Variants in PPP1R12B observed in about 807,000 individuals in gnomAD.
The protein encoded by PPP1R12B is myosin phosphatase target subunit 2.
Under a neutral mutation model 126.1 loss-of-function variants are expected in PPP1R12B, and 76 were observed. The observed-to-expected ratio is 0.60, with a 90% CI of 0.50 to 0.73. The LOEUF is 0.73. Among genes scored for constraint, PPP1R12B ranks in the 30% least tolerant of loss-of-function variants. The pLI is 0.00. For missense variants in PPP1R12B, 1,052 were observed against 1,205.1 expected (o/e 0.87, Z 1.88); for synonymous variants, 356 against 434.7 (o/e 0.82, Z 2.25).
At chr1:202,377,832 GTTTTT>G (rs74860606) in intron 1 of PPP1R12B, among the ~76,000 whole-genome samples, 5 of 97,306 alleles carry the variant, frequency 5.1e-5, no homozygotes, top group African/African-American at 2.5e-4. Context: ...AAAGACAGGT[GTTTTT>G]TTTTTTTTTT....
chr1:202,496,752 T>G lies in PPP1R12B; in HGVS notation c.2449-29T>G, dbSNP rs1381128953. The G allele has an allele frequency of 1.9e-6, 3 of 1,597,436 alleles. No homozygotes were observed. In the African/African-American group the frequency reaches 4.0e-5, roughly 21 times the overall value. Reference sequence around the variant, plus strand: ...TCAAGGATGTCTGTGACAATGAGCCTCTTGATTTTCTTCCCTTTTCTTTTT... The same window carrying G: ...TCAAGGATGTCTGTGACAATGAGCCGCTTGATTTTCTTCCCTTTTCTTTTT... On this transcript the variant is annotated intron_variant, in intron 17 of 23. Transcript: ENST00000608999.
chr1:202,521,365 C>T (rs191063812), intron 18 of PPP1R12B, among the ~76,000 whole-genome samples: 257 of 152,180 alleles, frequency 1.7e-3, no homozygotes, highest in Non-Finnish European at 2.3e-3. Context: ...AAAAAGCAGT[C>T]AAGAGAACCC....
chr1:202,414,042 C>G (rs1235134703), intron 1 of PPP1R12B, among the ~76,000 whole-genome samples: 4 of 152,174 alleles, frequency 2.6e-5, no homozygotes, highest in Admixed American at 2.6e-4. Context: ...GTTCCTCAGC[C>G]TCCTGAGTAC....
At chr1:202,454,464 C>T (rs1673369741) in intron 13 of PPP1R12B, among the ~76,000 whole-genome samples, 1 of 152,136 alleles carries the variant, frequency 6.6e-6, no homozygotes, top group Non-Finnish European at 1.5e-5. Context: ...GTACCTGTTG[C>T]CAGGTGCTAT....
intron 1 of PPP1R12B, among the ~76,000 whole-genome samples, chr1:202,393,407 T>G (rs184630823): frequency 3.9e-5 from 6 of 152,172 alleles, no homozygotes. Flanking sequence ...TTTTTTTCAG[T>G]TCTTTAACAG....
intron 18 of PPP1R12B, among the ~76,000 whole-genome samples, chr1:202,522,022 A>G (rs1350172289): frequency 6.6e-6 from 1 of 152,232 alleles, no homozygotes; most frequent in Non-Finnish European, 1.5e-5. Flanking sequence ...TGGCAACAGT[A>G]GATACCAGAA....
chr1:202,414,471 T>A lies in PPP1R12B; in HGVS notation c.292-2316T>A, dbSNP rs1286630994. ...GAGATCTTACAAATCTAAATACATT[T>A]CATTATATAATATCAACAAATCAGA... On this transcript the variant is annotated intron_variant, in intron 1 of 23. Transcript: ENST00000608999. Among the ~76,000 whole-genome samples the A allele has an allele frequency of 4.6e-5, 7 of 152,226 alleles. No individual in the cohort carries two copies. In the East Asian group the frequency reaches 1.3e-3, roughly 29 times the overall value.
intron 12 of PPP1R12B, among the ~76,000 whole-genome samples, chr1:202,443,402 C>T (rs1329630877): frequency 6.6e-6 from 1 of 152,202 alleles, no homozygotes; most frequent in Non-Finnish European, 1.5e-5. Context: ...AGGCCCTGGC[C>T]TAGACTAGAT....
chr1:202,385,864 GA>G (rs1483797113), intron 1 of PPP1R12B, among the ~76,000 whole-genome samples: 1 of 151,980 alleles, frequency 6.6e-6, no homozygotes, highest in Non-Finnish European at 1.5e-5. Flanking sequence ...TGCAAGGGAT[GA>G]AGGGACAATT....
chr1:202,426,792 T>A (rs750217594), intron 4 of PPP1R12B, among the ~76,000 whole-genome samples: 1 of 152,174 alleles, frequency 6.6e-6, no homozygotes, highest in Non-Finnish European at 1.5e-5. Context: ...ACTCCCCTTG[T>A]ATGGTGTAAA....
chr1:202,526,683 G>C (rs1254014581), intron 18 of PPP1R12B, among the ~76,000 whole-genome samples: 3 of 152,130 alleles, frequency 2.0e-5, no homozygotes. Flanking sequence ...ATGAACAATA[G>C]TTCAGGATCA....
At chr1:202,418,923 G>A (rs1398719983) in intron 2 of PPP1R12B, among the ~76,000 whole-genome samples, 1 of 151,688 alleles carries the variant, frequency 6.6e-6, no homozygotes, top group Non-Finnish European at 1.5e-5. Context: ...TTTTATTTTT[G>A]TATCTTAAAG....
chr1:202,515,390 T>C lies in PPP1R12B; in HGVS notation c.2490+18568T>C, dbSNP rs931396259. The stretch of plus-strand genomic sequence containing the variant: ...AATGTGACAGAAACTTAACTTCTTA[T>C]AACTCAAGCATAAAGGCTTATGTAG... On this transcript the variant is annotated intron_variant, in intron 18 of 23. Coordinates refer to ENST00000608999, the MANE Select transcript of PPP1R12B (RefSeq NM_002481.4). Among the ~76,000 whole-genome samples the C allele has an allele frequency of 1.2e-4, 19 of 152,234 alleles. No homozygotes were observed. The East Asian group carries it at 2.1e-3, about 17-fold the overall frequency.
intron 14 of PPP1R12B, among the ~76,000 whole-genome samples, chr1:202,490,726 G>A (rs1678751118): frequency 6.6e-6 from 1 of 152,152 alleles, no homozygotes; most frequent in Non-Finnish European, 1.5e-5. Flanking sequence ...TCATATAGTA[G>A]TTGTCCTTTT....
chr1:202,367,432 C>T (rs977618862), intron 1 of PPP1R12B, among the ~76,000 whole-genome samples: 1 of 152,102 alleles, frequency 6.6e-6, no homozygotes, highest in Non-Finnish European at 1.5e-5. Flanking sequence ...TGAGTCTTAC[C>T]GTGACCTACC....
intron 18 of PPP1R12B, among the ~76,000 whole-genome samples, chr1:202,556,683 T>C (rs1379577736): frequency 3.3e-5 from 5 of 152,186 alleles, no homozygotes; most frequent in Non-Finnish European, 7.3e-5. Context: ...TTTCCCTACA[T>C]TGCTTCAGGC....
chr1:202,411,592 G>GTTT (rs1025231634), intron 1 of PPP1R12B, among the ~76,000 whole-genome samples: 1 of 143,608 alleles, frequency 7.0e-6, no homozygotes. Context: ...AGTACTTTTT[G>GTTT]TTTTTTTTTT....
At chr1:202,351,615 AC>A (rs768739965) in intron 1 of PPP1R12B, among the ~76,000 whole-genome samples, 2 of 152,358 alleles carry the variant, frequency 1.3e-5, no homozygotes, top group Non-Finnish European at 2.9e-5. Flanking sequence ...TGAACCACCT[AC>A]TTTACAATGG....
In PPP1R12B at chr1:202,458,291, G is replaced by T. The variant is rs1177587394; in HGVS notation, c.1850+9120G>T. 3.1e-5 allele frequency among the ~76,000 whole-genome samples: 3 copies of T among 98,044 alleles called. 1 individual carries two copies. The highest frequency in any genetic ancestry group is 2.2e-5 in the Non-Finnish European group (1 of 45,346). 64.3% of individuals were successfully genotyped at this position (98,044 alleles called of 152,430 possible). Reference sequence around the variant, plus strand: ...GGAATACAATTGAGGGAATAAATAGGATCACTCAAAAGCTTTCTTAGGGTC... The same window carrying T: ...GGAATACAATTGAGGGAATAAATAGTATCACTCAAAAGCTTTCTTAGGGTC... On this transcript the variant is annotated intron_variant, in intron 13 of 23. Coordinates refer to ENST00000608999, the MANE Select transcript of PPP1R12B (RefSeq NM_002481.4).
Sources: allele counts gnomAD v4.1 joint callset (sites outside exome capture counted in the v4.1 genomes callset), GRCh38; gene constraint gnomAD v4.1.1; transcripts MANE v1.5; gene names NCBI Gene and HGNC (gene_info 2026-07-23, HGNC 2026-07-21).